The following SLC12A6 variants were observed in gnomAD, a reference collection of about 807,000 sequenced individuals.
SLC12A6 encodes solute carrier family 12 member 6, also known as K-Cl cotransporter 3.
Under a neutral mutation model 135.3 loss-of-function variants are expected in SLC12A6, and 66 were observed. That is an observed-to-expected ratio of 0.49 (90% CI 0.40 to 0.60). The LOEUF is 0.60. Ranked by LOEUF, SLC12A6 falls within the 20% of genes least tolerant of loss-of-function variation. SLC12A6 has a pLI of 0.00. For missense variants in SLC12A6, 1,058 were observed against 1,452.3 expected, an observed-to-expected ratio of 0.73 and a Z score of 4.41; for synonymous variants, 513 against 508.8, an observed-to-expected ratio of 1.01 and a Z score of -0.11.
chr15:34,272,141 A>AT (rs1894004249), intron 3 of SLC12A6, among the ~76,000 whole-genome samples: 1 of 151,642 alleles, frequency 6.6e-6, no homozygotes, highest in Non-Finnish European at 1.5e-5. Context: ...TGCCCGGCCA[A>AT]TTTTTTTTAA....
At chr15:34,245,524 T>C (rs1461511990) in intron 14 of SLC12A6, 121 bp from the exon 15 acceptor site, 3 of 885,160 alleles carry the variant, frequency 3.4e-6, no homozygotes, top group Non-Finnish European at 3.9e-6. Flanking sequence ...ACCTTTTAAA[T>C]ACCTTTACAG....
intron 2 of SLC12A6, among the ~76,000 whole-genome samples, chr15:34,285,591 G>A (rs1894994183): frequency 6.6e-6 from 1 of 151,508 alleles, no homozygotes; most frequent in Non-Finnish European, 1.5e-5. Flanking sequence ...TTAGGTGTGA[G>A]TTCTCCATGT....
intron 6 of SLC12A6, among the ~76,000 whole-genome samples, chr15:34,257,402 T>C (rs1379923651): frequency 1.3e-5 from 2 of 152,354 alleles, no homozygotes; most frequent in African/African-American, 2.4e-5. Context: ...TTATCTTCCA[T>C]TTTCAGTTGA....
At chr15:34,286,336 A>G (rs1895077094) in intron 2 of SLC12A6, among the ~76,000 whole-genome samples, 1 of 151,806 alleles carries the variant, frequency 6.6e-6, no homozygotes, top group Non-Finnish European at 1.5e-5. Flanking sequence ...TCAGCCTCCC[A>G]AAGTGTTGGG....
chr15:34,251,036 A>G lies in SLC12A6; in HGVS notation c.1355T>C (p.Leu452Pro). Residue 452 changes from leucine (L) to proline (P), a missense_variant, in exon 11 of 26, where the codon CTA becomes CCA. Transcript: ENST00000354181. Reference protein sequence around the residue: ...IITENLWSNYLPKGEIIEKPS... With the variant: ...IITENLWSNYPPKGEIIEKPS... Reference sequence around the variant, plus strand: ...CTTTTCGATGATCTCTCCCTTGGGTAGGTAATTACTCCAAAGATTCTCTGC... The same window carrying G: ...CTTTTCGATGATCTCTCCCTTGGGTGGGTAATTACTCCAAAGATTCTCTGC... 1 of 1,609,602 alleles carries G rather than the reference A, an allele frequency of 6.2e-7. No homozygotes were observed. The highest frequency in any genetic ancestry group is 8.5e-7 in the Non-Finnish European group (1 of 1,175,932).
intron 2 of SLC12A6, among the ~76,000 whole-genome samples, chr15:34,303,573 A>C (rs868161307): frequency 6.6e-6 from 1 of 152,226 alleles, no homozygotes; most frequent in Non-Finnish European, 1.5e-5. Flanking sequence ...CATGGTTTGA[A>C]TATATCCTCC....
intron 16 of SLC12A6, among the ~76,000 whole-genome samples, chr15:34,242,825 C>CT (rs1034333514): frequency 1.7e-4 from 26 of 152,022 alleles, no homozygotes; most frequent in African/African-American, 6.3e-4. Context: ...GGTCAGAAGA[C>CT]TGAGACCATC....
intron 2 of SLC12A6, among the ~76,000 whole-genome samples, chr15:34,312,617 C>A (rs1888338849): frequency 6.6e-6 from 1 of 152,200 alleles, no homozygotes; most frequent in Non-Finnish European, 1.5e-5. Flanking sequence ...TTCTGCTTTT[C>A]CCTTCGAAAC....
At chr15:34,329,774 G>A (rs534438191) in intron 2 of SLC12A6, among the ~76,000 whole-genome samples, 1 of 152,276 alleles carries the variant, frequency 6.6e-6, no homozygotes, top group South Asian at 2.1e-4. Context: ...CTAGCACTTT[G>A]AGAGACCCAA....
chr15:34,290,665 T>G (rs945336862), intron 2 of SLC12A6, among the ~76,000 whole-genome samples: 3 of 152,224 alleles, frequency 2.0e-5, no homozygotes, highest in Admixed American at 2.0e-4. Flanking sequence ...GCTCCTGTAT[T>G]GGGTGCATAT....
At chr15:34,291,195 A>C (rs561210659) in intron 2 of SLC12A6, among the ~76,000 whole-genome samples, 10 of 152,356 alleles carry the variant, frequency 6.6e-5, no homozygotes, top group African/African-American at 2.2e-4. Context: ...AAAATCTCTC[A>C]GCACTTGCTT....
At chr15:34,279,576 T>C (rs942415772) in intron 2 of SLC12A6, among the ~76,000 whole-genome samples, 15 of 152,216 alleles carry the variant, frequency 9.9e-5, no homozygotes, top group Admixed American at 5.9e-4. Flanking sequence ...ATTTACCACT[T>C]TTCCTGACTA....
chr15:34,300,605 T>C (rs978581434), intron 2 of SLC12A6, among the ~76,000 whole-genome samples: 8 of 151,834 alleles, frequency 5.3e-5, no homozygotes, highest in East Asian at 1.9e-4. Context: ...CTGGAAAACA[T>C]AGAAGACTCT....
chr15:34,245,554 G>T, intron 14 of SLC12A6, 139 bp downstream of exon 14: 1 of 910,754 alleles, frequency 1.1e-6, no homozygotes, highest in East Asian at 2.4e-5. Context: ...GTAAACTCAT[G>T]CTTGGGATTT....
At chr15:34,255,501 G>T in intron 7 of SLC12A6, 109 bp from the exon 8 acceptor site, 2 of 818,092 alleles carry the variant, frequency 2.4e-6, no homozygotes, top group South Asian at 2.9e-5. Context: ...AAATGTTTCA[G>T]GCTTCTGCAA....
chr15:34,251,817 C>A (rs184497374), intron 10 of SLC12A6, among the ~76,000 whole-genome samples: 1 of 152,232 alleles, frequency 6.6e-6, no homozygotes, highest in Admixed American at 6.5e-5. Flanking sequence ...TAGGAAGATA[C>A]ATGTGGATGT....
At chr15:34,291,681 C>A (rs748095026) in intron 2 of SLC12A6, among the ~76,000 whole-genome samples, 11 of 152,092 alleles carry the variant, frequency 7.2e-5, no homozygotes, top group Admixed American at 2.6e-4. Flanking sequence ...CTGTTCATTT[C>A]TTTTCACTTT....
intron 18 of SLC12A6, 31 bp from the exon 19 acceptor site, chr15:34,240,860 A>G (rs780904082): frequency 1.8e-5 from 28 of 1,581,628 alleles, no homozygotes; most frequent in Non-Finnish European, 2.3e-5. Flanking sequence ...GTTGGAGGGG[A>G]GGAGAAAACA....
intron 2 of SLC12A6, among the ~76,000 whole-genome samples, chr15:34,309,229 T>C (rs140285422): frequency 2.7e-4 from 41 of 152,330 alleles, no homozygotes; most frequent in African/African-American, 7.9e-4. Context: ...CTCGATTCTT[T>C]AAATTTACCA....
Sources: allele counts gnomAD v4.1 joint callset (sites outside exome capture counted in the v4.1 genomes callset), GRCh38; gene constraint gnomAD v4.1.1; transcripts MANE v1.5; gene names NCBI Gene and HGNC (gene_info 2026-07-23, HGNC 2026-07-21).